The following CDH13 variants were observed in gnomAD, a reference collection of about 807,000 sequenced individuals.
The protein encoded by CDH13 is cadherin 13.
A neutral mutation model predicts 63.8 loss-of-function variants in CDH13; 24 were observed. That is an observed-to-expected ratio of 0.38 (90% CI 0.27 to 0.53). The LOEUF (loss-of-function observed/expected upper bound fraction) is 0.53. CDH13 is among the 20% of genes least tolerant of loss of function. The pLI is 0.85. For missense variants in CDH13, 1,049 were observed against 903.1 expected (o/e 1.16, Z -2.07); for synonymous variants, 503 against 355.3 (o/e 1.42, Z -4.67).
intron 1 of CDH13, among the ~76,000 whole-genome samples, chr16:82,797,015 A>C (rs1025145741): frequency 3.3e-5 from 5 of 152,336 alleles, no homozygotes; most frequent in Middle Eastern, 3.4e-3. Flanking sequence ...CCAGCCTGAC[A>C]CAGTATACAT....
intron 10 of CDH13, chr16:83,728,925 G>T: frequency 6.5e-6 from 1 of 153,626 alleles, no homozygotes. Flanking sequence ...CTCTGGGGAG[G>T]GCTCTCTTTC....
At chr16:83,333,523 G>A (rs1455479559) in intron 5 of CDH13, among the ~76,000 whole-genome samples, 1 of 152,156 alleles carries the variant, frequency 6.6e-6, no homozygotes, top group Non-Finnish European at 1.5e-5. Flanking sequence ...TGACGAGGCT[G>A]TGGCTGGTAG....
intron 5 of CDH13, among the ~76,000 whole-genome samples, chr16:83,281,005 C>G (rs1428300382): frequency 6.6e-6 from 1 of 152,174 alleles, no homozygotes; most frequent in African/African-American, 2.4e-5. Context: ...TCAGAATGGC[C>G]AATAAGCATT....
intron 2 of CDH13, among the ~76,000 whole-genome samples, chr16:82,898,781 T>G (rs758384947): frequency 3.9e-5 from 6 of 152,350 alleles, no homozygotes; most frequent in Non-Finnish European, 5.9e-5. Context: ...AGAGAAAAGC[T>G]TCATCCAGTT....
chr16:83,400,142 G>C (rs1238118818), intron 6 of CDH13, among the ~76,000 whole-genome samples: 2 of 151,396 alleles, frequency 1.3e-5, no homozygotes, highest in Admixed American at 6.6e-5. Flanking sequence ...TTCTTTTTTG[G>C]AAAGGATTTA....
At chr16:82,816,149 C>G (rs1406695771) in intron 1 of CDH13, among the ~76,000 whole-genome samples, 2 of 152,122 alleles carry the variant, frequency 1.3e-5, no homozygotes, top group South Asian at 4.1e-4. Context: ...ACCTCAGGGT[C>G]AGCCTCTCTC....
chr16:83,130,736 C>T (rs911880882), intron 4 of CDH13, among the ~76,000 whole-genome samples: 37 of 152,130 alleles, frequency 2.4e-4, no homozygotes, highest in African/African-American at 7.7e-4. Context: ...GGCACAAAAA[C>T]GCCTTTTAAA....
intron 1 of CDH13, among the ~76,000 whole-genome samples, chr16:82,761,118 G>C (rs1218429622): frequency 7.3e-6 from 1 of 137,236 alleles, no homozygotes; most frequent in Non-Finnish European, 1.5e-5. Context: ...CTGCCTTCCA[G>C]GTTCAAGTGA....
chr16:82,631,749 T>C (rs1244168012), intron 1 of CDH13, among the ~76,000 whole-genome samples: 1 of 152,218 alleles, frequency 6.6e-6, no homozygotes, highest in Non-Finnish European at 1.5e-5. Context: ...GAAAGTCATC[T>C]TTCTCTGCTG....
intron 5 of CDH13, among the ~76,000 whole-genome samples, chr16:83,223,654 C>T (rs1355762505): frequency 1.3e-5 from 2 of 152,236 alleles, no homozygotes; most frequent in African/African-American, 4.8e-5. Context: ...CCGCCACTCA[C>T]TTCCATCCAG....
chr16:82,987,517 C>G (rs994809347), intron 2 of CDH13, among the ~76,000 whole-genome samples: 2 of 152,160 alleles, frequency 1.3e-5, no homozygotes, highest in Admixed American at 1.3e-4. Flanking sequence ...GCTGGTATTA[C>G]AGGCCCCTAA....
At chr16:82,686,545 G>A (rs909499288) in intron 1 of CDH13, among the ~76,000 whole-genome samples, 8 of 152,196 alleles carry the variant, frequency 5.3e-5, no homozygotes, top group African/African-American at 1.9e-4. Flanking sequence ...GAACAACGAG[G>A]CCAGTCGCTC....
chr16:82,637,836 G>T (rs1040416252), intron 1 of CDH13: 5 of 152,182 alleles, frequency 3.3e-5, no homozygotes, highest in African/African-American at 1.2e-4. Context: ...ACCTGGGTCT[G>T]TGCGTGGGCG....
At chr16:82,972,753 C>G (rs1451808805) in intron 2 of CDH13, among the ~76,000 whole-genome samples, 2 of 151,984 alleles carry the variant, frequency 1.3e-5, no homozygotes, top group Non-Finnish European at 2.9e-5. Flanking sequence ...AACTGGTTGT[C>G]AAAGCAAGAA....
intron 5 of CDH13, among the ~76,000 whole-genome samples, chr16:83,230,364 T>C (rs538573260): frequency 6.6e-6 from 1 of 152,152 alleles, no homozygotes; most frequent in Non-Finnish European, 1.5e-5. Context: ...CTGCATGAAG[T>C]ATCTTTCTCT....
At chr16:83,699,626 TGCACACACACGTGTATGTGCACAC>T (rs1224666272) in intron 10 of CDH13, among the ~76,000 whole-genome samples, 1 of 152,132 alleles carries the variant, frequency 6.6e-6, no homozygotes, top group African/African-American at 2.4e-5. Flanking sequence ...GGCACACATA[TGCACACACACGTGTATGTGCACAC>T]GCACATACAC....
chr16:83,180,520 A>G (rs765178253), intron 4 of CDH13, among the ~76,000 whole-genome samples: 5 of 152,200 alleles, frequency 3.3e-5, no homozygotes, highest in Non-Finnish European at 7.4e-5. Context: ...GCTAACTGAA[A>G]TGACATCAGA....
intron 1 of CDH13, among the ~76,000 whole-genome samples, chr16:82,832,433 C>CT (rs2038584463): frequency 6.6e-6 from 1 of 152,072 alleles, no homozygotes; most frequent in Non-Finnish European, 1.5e-5. Context: ...CTTCTTCCTC[C>CT]TCCTCCTTCT....
chr16:83,544,401 C>A (rs897371464), intron 7 of CDH13, among the ~76,000 whole-genome samples: 3 of 151,980 alleles, frequency 2.0e-5, no homozygotes, highest in Admixed American at 1.3e-4. Context: ...ATAAACCCAT[C>A]GTAAGTTGAA....
Sources: gnomAD v4.1 joint callset for allele counts (sites outside exome capture counted in the v4.1 genomes callset) on GRCh38, gnomAD v4.1.1 for gene constraint, MANE v1.5 for transcripts, NCBI Gene and HGNC (gene_info 2026-07-23, HGNC 2026-07-21) for gene names.